The following PLP1 variants were observed in gnomAD, a reference collection of about 807,000 sequenced individuals.
The protein encoded by PLP1 is myelin proteolipid protein.
Under a neutral mutation model 18.5 loss-of-function variants are expected in PLP1, and 2 were observed. The observed-to-expected ratio is 0.11, with a 90% CI of 0.04 to 0.34. The LOEUF (loss-of-function observed/expected upper bound fraction) is 0.34, where lower values mean the gene tolerates loss of function less well. PLP1 is among the 10% of genes least tolerant of loss of function. The probability of loss-of-function intolerance (pLI) is 1.00; values close to 1 mark genes in which losing one functional copy is unlikely to be tolerated. For missense variants in PLP1, 105 were observed against 207.3 expected, an observed-to-expected ratio of 0.51 and a Z score of 3.03; for synonymous variants, 86 against 83.2, an observed-to-expected ratio of 1.03 and a Z score of -0.19.
intron 1 of PLP1, among the ~76,000 whole-genome samples, chrX:103,784,881 G>A (rs886746123): frequency 8.9e-6 from 1 of 111,936 alleles, no homozygotes; most frequent in African/African-American, 3.2e-5. Flanking sequence ...GCATAATGCT[G>A]GGCATATAGT....
At chrX:103,786,413 G>T (rs1419705563) in intron 2 of PLP1, 52 bp from the exon 3 acceptor site, 1 of 1,170,043 alleles carries the variant, frequency 8.5e-7, no homozygotes, top group East Asian at 3.0e-5. Flanking sequence ...AAAGAAGCCA[G>T]GTCTTCAATT....
At chrX:103,786,809 G>A (rs761190938) in intron 3 of PLP1, 83 bp downstream of exon 3, 2 of 1,025,501 alleles carry the variant, frequency 2.0e-6, no homozygotes, top group African/African-American at 3.7e-5. Context: ...CCCACCCAAG[G>A]CTGGGTCCTC....
Position 103,787,881 on chromosome X carries a change from C to T in PLP1, c.537C>T (p.Asn179=), listed in dbSNP as rs1478141506. 8.3e-7 allele frequency: 1 copy of T among 1,203,366 alleles called. No homozygotes were observed. ...CSAVPVYIYF[N]TWTTCQSIAF... Reference sequence around the variant, plus strand: ...CTGTGCCTGTGTACATTTACTTCAACACCTGGACCACCTGCCAGTCTATTG... The same window carrying T: ...CTGTGCCTGTGTACATTTACTTCAATACCTGGACCACCTGCCAGTCTATTG... Residue 179 remains asparagine (N), a synonymous_variant, in exon 4 of 7, where the codon AAC becomes AAT. Transcript: ENST00000621218.
intron 3 of PLP1, 158 bp downstream of exon 3, chrX:103,786,884 C>A: frequency 3.5e-6 from 2 of 566,444 alleles, no homozygotes; most frequent in Non-Finnish European, 6.0e-6. Context: ...TCAGGAAGAA[C>A]GTGGTGCCCA....
intron 4 of PLP1, 145 bp from the exon 5 acceptor site, chrX:103,788,292 G>A: frequency 1.8e-6 from 1 of 564,639 alleles, no homozygotes; most frequent in South Asian, 2.4e-5. Context: ...TTGTAAACCT[G>A]TAGAAAAGAG....
At chrX:103,785,807 T>C (rs774511719) in intron 2 of PLP1, 39 bp downstream of exon 2, 2 of 1,097,000 alleles carry the variant, frequency 1.8e-6, no homozygotes, top group Middle Eastern at 2.4e-4. Context: ...ATCTTTTTTT[T>C]CCCTCTCTCC....
rs192141365 is a variant in PLP1 at position 103,782,716 on chromosome X, T to A, written c.5-2866T>A. On this transcript the variant is annotated intron_variant, in intron 1 of 6. Transcript: ENST00000621218. Reference sequence around the variant, plus strand: ...GGATGAGTGAGTAGGCCCAAGATGGTCACTTGCTAGGGTGGATGGCTCTTC... The same window carrying A: ...GGATGAGTGAGTAGGCCCAAGATGGACACTTGCTAGGGTGGATGGCTCTTC... Among the ~76,000 whole-genome samples the A allele has an allele frequency of 2.5e-4, 28 of 111,985 alleles. No individual in the cohort carries two copies. The East Asian group carries it at 7.6e-3, about 31-fold the overall frequency.
At chrX:103,788,383 G>A (rs1163222079) in intron 4 of PLP1, 54 bp from the exon 5 acceptor site, 1 of 881,827 alleles carries the variant, frequency 1.1e-6, no homozygotes, top group African/African-American at 2.0e-5. Context: ...AAGTCTCCAT[G>A]TGGCCCCGTA....
At chrX:103,776,530 C>A (rs1333289264), upstream of PLP1, 1 of 124,429 alleles carries the variant, frequency 8.0e-6, no homozygotes, top group African/African-American at 3.2e-5. Flanking sequence ...CACGCTTGTG[C>A]TGCATATCCC....
At chrX:103,789,256 A>G in intron 5 of PLP1, 77 bp from the exon 6 acceptor site, 1 of 733,260 alleles carries the variant, frequency 1.4e-6, no homozygotes, top group Non-Finnish European at 2.2e-6. Flanking sequence ...ACATTCAGAA[A>G]GCTGTATTCA....
rs1353807966 is a variant in PLP1, at chrX:103,790,815, T to A, written c.*217T>A. On this transcript the variant is annotated 3_prime_UTR_variant, in exon 7 of 7. Transcript: ENST00000621218. ...TTAGTCATTTTGCTTCATAGCTGGT[T>A]CCTGCTAGAAATGGGAAATGCCTAA... 9.3e-6 allele frequency: 4 copies of A among 432,335 alleles called. No individual in the cohort carries two copies. Among genetic ancestry groups the A allele is most frequent in the Non-Finnish European group, 1.6e-5 (4 of 246,127 alleles). 35.6% of individuals were successfully genotyped at this position (432,335 alleles called of 1,213,427 possible).
At chrX:103,781,075 C>T (rs1192022512) in intron 1 of PLP1, 2 of 193,689 alleles carry the variant, frequency 1.0e-5, no homozygotes, top group East Asian at 1.2e-4. Flanking sequence ...AAGGGACAGG[C>T]TGGGAATTGT....
chrX:103,776,796 G>T (rs2074414206), upstream of PLP1: 3 of 446,434 alleles, frequency 6.7e-6, no homozygotes, highest in Non-Finnish European at 1.2e-5. Flanking sequence ...GAGGAGGAAA[G>T]CAGGCCTGTC....
At chrX:103,786,442 C>T in intron 2 of PLP1, 23 bp from the exon 3 acceptor site, 12 of 1,202,447 alleles carry the variant, frequency 1.0e-5, no homozygotes, top group East Asian at 3.0e-5. Flanking sequence ...TCCCTGGTCT[C>T]GTTTGTCTAC....
rs1352839950 is a variant in PLP1, at chrX:103,782,032, C to G, written c.5-3550C>G. Among the ~76,000 whole-genome samples, 7 of 112,343 alleles carry G rather than the reference C, an allele frequency of 6.2e-5. No homozygotes were observed. The Admixed American group carries it at 6.6e-4, about 11-fold the overall frequency. Reference sequence around the variant, plus strand: ...TCAAAGGGAGCCCAATGGATCTTTTCTCAGAATGCTTTGATTGTCAACTAC... The same window carrying G: ...TCAAAGGGAGCCCAATGGATCTTTTGTCAGAATGCTTTGATTGTCAACTAC... On this transcript the variant is annotated intron_variant, in intron 1 of 6. Coordinates refer to ENST00000621218, the MANE Select transcript of PLP1 (RefSeq NM_000533.5).
intron 1 of PLP1, chrX:103,780,896 G>T: frequency 8.5e-6 from 1 of 117,762 alleles, no homozygotes; most frequent in Non-Finnish European, 1.8e-5. Context: ...GATCAAGGAG[G>T]CCTCTGTTCA....
In PLP1 at chrX:103,788,201, A is replaced by G. The variant is rs112162882; in HGVS notation, c.622+235A>G. Among the ~76,000 whole-genome samples, 1,615 of 111,630 alleles carry G rather than the reference A, an allele frequency of 0.014. 23 individuals are homozygous for G. Among genetic ancestry groups the G allele is most frequent in the African/African-American group, 0.049 (1,501 of 30,670 alleles). On this transcript the variant is annotated intron_variant, in intron 4 of 6. Coordinates refer to ENST00000621218, the MANE Select transcript of PLP1 (RefSeq NM_000533.5). ...CATTCACATTGGCCTACTCTAGTTG[A>G]CTGCTGTTCACAACCCCAAAGCAGC... is the stretch of plus-strand genomic sequence containing the variant.
chrX:103,784,372 C>G (rs147695213), intron 1 of PLP1, among the ~76,000 whole-genome samples: 191 of 111,741 alleles, frequency 1.7e-3, no homozygotes, highest in African/African-American at 5.9e-3. Flanking sequence ...CAGCGTATAA[C>G]TGAGGGTGGG....
chrX:103,790,465 AT>A (rs1459565586), intron 6 of PLP1, 61 bp from the exon 7 acceptor site: 66 of 802,436 alleles, frequency 8.2e-5, no homozygotes, highest in Non-Finnish European at 2.7e-5. Flanking sequence ...TCCCAAAGGG[AT>A]TTGAGGAGGG....
Sources: gnomAD v4.1 joint callset for allele counts (sites outside exome capture counted in the v4.1 genomes callset) on GRCh38, gnomAD v4.1.1 for gene constraint, MANE v1.5 for transcripts, NCBI Gene and HGNC (gene_info 2026-07-23, HGNC 2026-07-21) for gene names.